IL33: variants seen among roughly 807,000 people sequenced by gnomAD.
IL33 encodes interleukin-33.
In IL33, 37 loss-of-function variants were observed where a neutral mutation model predicts 27.3. That is an observed-to-expected ratio of 1.36 (90% CI 1.04 to 1.78). The LOEUF (loss-of-function observed/expected upper bound fraction) is 1.78, where lower values mean the gene tolerates loss of function less well. IL33 is among the 40% of genes most tolerant of loss of function. The probability of loss-of-function intolerance (pLI) is 0.00; values close to 1 mark genes in which losing one functional copy is unlikely to be tolerated. For missense variants in IL33, 406 were observed against 311.4 expected (o/e 1.30, Z -2.29); for synonymous variants, 132 against 102.9 (o/e 1.28, Z -1.71).
At chr9:6,252,729 G>A in intron 4 of IL33, 137 bp from the exon 5 acceptor site, 2 of 963,338 alleles carry the variant, frequency 2.1e-6, no homozygotes, top group South Asian at 1.5e-5. Context: ...TGTAAAACTT[G>A]TATCAAAGGC....
intron 1 of IL33, among the ~76,000 whole-genome samples, chr9:6,221,093 A>G (rs1818393019): frequency 6.6e-6 from 1 of 152,124 alleles, no homozygotes. Context: ...TTCATTCTAA[A>G]CTTTTGAACA....
intron 2 of IL33, among the ~76,000 whole-genome samples, chr9:6,243,290 A>G (rs1819636145): frequency 6.6e-6 from 1 of 152,220 alleles, no homozygotes; most frequent in Non-Finnish European, 1.5e-5. Context: ...CTCTGAGATT[A>G]AAGGGCTGTA....
intron 2 of IL33, 38 bp from the exon 3 acceptor site, chr9:6,250,436 T>G (rs753396308): frequency 6.2e-7 from 1 of 1,604,546 alleles, no homozygotes. Context: ...TAAAGATGAA[T>G]GGAATGAAAC....
chr9:6,241,691 A>T lies in IL33; in HGVS notation c.-4A>T. ...TATATTTTAATCCAACAGAATACTG[A>T]AAAATGAAGCCTAAAATGAAGTATT... is the stretch of plus-strand genomic sequence containing the variant. On this transcript the variant is annotated 5_prime_UTR_variant, in exon 2 of 8. Coordinates refer to ENST00000682010, the MANE Select transcript of IL33 (RefSeq NM_033439.4). The T allele has an allele frequency of 6.3e-7, 1 of 1,591,844 alleles. No homozygotes were observed. Among genetic ancestry groups the T allele is most frequent in the Non-Finnish European group, 8.6e-7 (1 of 1,164,734 alleles).
chr9:6,220,702 A>G (rs1328427758), intron 1 of IL33, among the ~76,000 whole-genome samples: 1 of 152,178 alleles, frequency 6.6e-6, no homozygotes, highest in Non-Finnish European at 1.5e-5. Flanking sequence ...GTTTAACAAT[A>G]CTTGATCAGT....
intron 2 of IL33, among the ~76,000 whole-genome samples, chr9:6,250,091 C>T (rs1161932993): frequency 6.6e-6 from 1 of 152,204 alleles, no homozygotes; most frequent in East Asian, 1.9e-4. Flanking sequence ...TTCTAAAGAC[C>T]TAAAGTTTTT....
intron 1 of IL33, among the ~76,000 whole-genome samples, chr9:6,222,401 C>T (rs1040579627): frequency 6.6e-6 from 1 of 152,182 alleles, no homozygotes; most frequent in East Asian, 1.9e-4. Context: ...TTGCAGCATA[C>T]CAGCTAAATA....
At position 6,221,574 on chromosome 9, in the gene IL33, A is replaced by G. The variant is rs538231029; in HGVS notation, c.-12+5722A>G. On this transcript the variant is annotated intron_variant, in intron 1 of 7. Coordinates refer to ENST00000682010, the MANE Select transcript of IL33 (RefSeq NM_033439.4). ...AAGTCTTTATATTTCTTAATTCATA[A>G]AAGTATAAAACTTAGAAGTCTATTA... Among the ~76,000 whole-genome samples the G allele has an allele frequency of 1.7e-4, 26 of 152,324 alleles. No individual in the cohort carries two copies. The South Asian group carries it at 5.2e-3, about 30-fold the overall frequency.
At chr9:6,221,053 C>G (rs1007425891) in intron 1 of IL33, among the ~76,000 whole-genome samples, 1 of 152,094 alleles carries the variant, frequency 6.6e-6, no homozygotes, top group Non-Finnish European at 1.5e-5. Flanking sequence ...TGTACCTGAC[C>G]CATAATTGTT....
At position 6,256,096 on chromosome 9, in the gene IL33, T is replaced by A; in HGVS notation, c.741T>A (p.Leu247=). The change falls in exon 8 of 8, where the codon CTT becomes CTA. Residue 247 remains leucine (L), a synonymous_variant. Transcript: ENST00000682010. The stretch of plus-strand genomic sequence containing the variant: ...TTATAGGTGTAAAGGATAATCATCT[T>A]GCTCTGATTAAAGTAGACTCTTCTG... ...GVFIGVKDNH[L]ALIKVDSSEN... 6.2e-7 allele frequency: 1 copy of A among 1,613,100 alleles called. No individual in the cohort carries two copies. The highest frequency in any genetic ancestry group is 1.3e-5 in the African/African-American group (1 of 75,006).
upstream of IL33, among the ~76,000 whole-genome samples, chr9:6,215,292 G>C (rs903195889): frequency 1.3e-5 from 2 of 152,150 alleles, no homozygotes; most frequent in Non-Finnish European, 2.9e-5. Context: ...GAGATGAATA[G>C]AAAGAAAAGA....
At chr9:6,221,881 G>A (rs1818426939) in intron 1 of IL33, among the ~76,000 whole-genome samples, 1 of 152,214 alleles carries the variant, frequency 6.6e-6, no homozygotes, top group African/African-American at 2.4e-5. Context: ...GGGGAGAAGA[G>A]AGGTGTTTAA....
intron 2 of IL33, among the ~76,000 whole-genome samples, chr9:6,248,653 C>T (rs529965010): frequency 6.6e-6 from 1 of 152,064 alleles, no homozygotes; most frequent in African/African-American, 2.4e-5. Context: ...TAGCTCACTA[C>T]AGCCTCAAAC....
intron 1 of IL33, among the ~76,000 whole-genome samples, chr9:6,226,876 G>T (rs1008694075): frequency 6.6e-6 from 1 of 152,194 alleles, no homozygotes; most frequent in Non-Finnish European, 1.5e-5. Context: ...CTACTCATTT[G>T]TCCTGAAGAC....
At position 6,254,516 on chromosome 9, in the gene IL33, T is replaced by C; in HGVS notation, c.575T>C (p.Phe192Ser). 6.3e-7 allele frequency: 1 copy of C among 1,597,606 alleles called. No individual in the cohort carries two copies. Among genetic ancestry groups the C allele is most frequent in the Non-Finnish European group, 8.5e-7 (1 of 1,170,074 alleles). Reference protein sequence around the residue: ...LMVTLSPTKDFWLHANNKEHS... With the variant: ...LMVTLSPTKDSWLHANNKEHS... ...GTAACCCTGAGTCCTACAAAAGACT[T>C]CTGGTTGCATGCCAACAACAAGGAA... The change falls in exon 7 of 8, where the codon TTC (phenylalanine) becomes TCC (serine). Residue 192 changes from phenylalanine (F) to serine (S), a missense_variant. Phe to Ser is a radical substitution (Grantham distance 155). Coordinates refer to ENST00000682010, the MANE Select transcript of IL33 (RefSeq NM_033439.4).
At chr9:6,215,674 T>C (rs1477557278), upstream of IL33, 1 of 152,198 alleles carries the variant, frequency 6.6e-6, no homozygotes. Context: ...GTTGACAGAA[T>C]TGTAACTCTG....
chr9:6,246,032 C>CA (rs1314113267), intron 2 of IL33, among the ~76,000 whole-genome samples: 1 of 114,282 alleles, frequency 8.8e-6, no homozygotes, highest in Non-Finnish European at 1.6e-5. Context: ...CACTGCACTC[C>CA]AGCCTGGGTG....
chr9:6,251,861 G>A (rs984168950), intron 4 of IL33, among the ~76,000 whole-genome samples: 14 of 151,356 alleles, frequency 9.2e-5, no homozygotes, highest in Non-Finnish European at 1.8e-4. Context: ...CCAACATGGC[G>A]AAACCCTGTC....
At chr9:6,227,274 G>C (rs1157734553) in intron 1 of IL33, among the ~76,000 whole-genome samples, 1 of 152,044 alleles carries the variant, frequency 6.6e-6, no homozygotes, top group African/African-American at 2.4e-5. Flanking sequence ...TTATCTCCTG[G>C]TCCTGATTCT....
Sources: allele counts gnomAD v4.1 joint callset (sites outside exome capture counted in the v4.1 genomes callset), GRCh38; gene constraint gnomAD v4.1.1; transcripts MANE v1.5; gene names NCBI Gene and HGNC (gene_info 2026-07-23, HGNC 2026-07-21).